PLEKHH2: variants seen among roughly 807,000 people sequenced by gnomAD.
The protein encoded by PLEKHH2 is pleckstrin homology, MyTH4 and FERM domain containing H2.
PLEKHH2 carries 129 observed loss-of-function variants against 187.9 expected under a neutral mutation model. That is an observed-to-expected ratio of 0.69 (90% confidence interval 0.59 to 0.79). PLEKHH2 has a LOEUF of 0.79. Ranked by LOEUF, PLEKHH2 falls within the 30% of genes least tolerant of loss-of-function variation. The probability of loss-of-function intolerance (pLI) is 0.00; values close to 1 mark genes in which losing one functional copy is unlikely to be tolerated. For synonymous variants in PLEKHH2, 686 were observed against 605.6 expected (o/e 1.13, Z -1.95); for missense variants, 2,076 against 1,751.2 (o/e 1.19, Z -3.31).
At chr2:43,747,622 C>T (rs1671835218) in intron 24 of PLEKHH2, among the ~76,000 whole-genome samples, 2 of 152,148 alleles carry the variant, frequency 1.3e-5, no homozygotes, top group South Asian at 4.1e-4. Context: ...TCATTTCTTT[C>T]ATGTATTAGC....
intron 7 of PLEKHH2, 27 bp downstream of exon 7, chr2:43,697,383 T>A (rs779556543): frequency 3.9e-6 from 6 of 1,542,442 alleles, no homozygotes; most frequent in Non-Finnish European, 5.3e-6. Context: ...GGAATTGACT[T>A]TGGCATTTTT....
At position 43,654,712 on chromosome 2, in the gene PLEKHH2, C is replaced by A. The variant is rs1003099970; in HGVS notation, c.123+9916C>A. Among the ~76,000 whole-genome samples the A allele has an allele frequency of 3.3e-4, 31 of 95,356 alleles. 1 individual carries two copies. The highest frequency in any genetic ancestry group is 2.2e-3 in the South Asian group (6 of 2,694). The allele number at this position is 95,356 out of a possible 152,430, so 62.6% of individuals were successfully genotyped here. On this transcript the variant is annotated intron_variant, in intron 2 of 29. Coordinates refer to ENST00000282406, the MANE Select transcript of PLEKHH2 (RefSeq NM_172069.4). Reference sequence around the variant, plus strand: ...GGGCAACATAGTAAGACACCCCCCCCCCCCGCATCTCTACCAAAAAATTAA... The same window carrying A: ...GGGCAACATAGTAAGACACCCCCCCACCCCGCATCTCTACCAAAAAATTAA...
intron 25 of PLEKHH2, among the ~76,000 whole-genome samples, chr2:43,756,816 G>A (rs115095264): frequency 0.047 from 7,181 of 152,130 alleles, 328 homozygotes; most frequent in African/African-American, 0.12. Flanking sequence ...AAGCGTGGTG[G>A]TATATGCCTG....
chr2:43,647,119 T>G (rs1015360775), intron 2 of PLEKHH2, among the ~76,000 whole-genome samples: 1 of 152,182 alleles, frequency 6.6e-6, no homozygotes, highest in East Asian at 1.9e-4. Context: ...AAGCTCTGTA[T>G]AGGTATGGTA....
chr2:43,654,446 C>T (rs1333818509), intron 2 of PLEKHH2, among the ~76,000 whole-genome samples: 2 of 151,952 alleles, frequency 1.3e-5, no homozygotes, highest in East Asian at 2.0e-4. Flanking sequence ...CTGCCTGCCT[C>T]GGCCTCCCAA....
At chr2:43,656,514 T>C (rs1666775330) in intron 2 of PLEKHH2, among the ~76,000 whole-genome samples, 1 of 152,152 alleles carries the variant, frequency 6.6e-6, no homozygotes. Context: ...AGTGGAATGA[T>C]GACCAGATAG....
chr2:43,641,414 C>T (rs188379471), intron 1 of PLEKHH2, among the ~76,000 whole-genome samples: 16 of 152,276 alleles, frequency 1.1e-4, no homozygotes, highest in African/African-American at 3.9e-4. Context: ...CTGTGGCCTG[C>T]AGGCCACAGG....
chr2:43,704,136 A>G (rs1358591999), intron 9 of PLEKHH2, 80 bp downstream of exon 9: 4 of 998,884 alleles, frequency 4.0e-6, no homozygotes, highest in Non-Finnish European at 6.1e-6. Flanking sequence ...AATACATGGT[A>G]CAGTCACAAA....
chr2:43,689,654 G>A (rs1668698545), intron 3 of PLEKHH2, among the ~76,000 whole-genome samples: 1 of 152,132 alleles, frequency 6.6e-6, no homozygotes, highest in Non-Finnish European at 1.5e-5. Context: ...TTGGTAAGTA[G>A]GTTGCTTGTA....
At chr2:43,645,597 T>TAAA (rs1378310875) in intron 2 of PLEKHH2, among the ~76,000 whole-genome samples, 1 of 152,150 alleles carries the variant, frequency 6.6e-6, no homozygotes, top group African/African-American at 2.4e-5. Flanking sequence ...TTCAAAGTTT[T>TAAA]AGCATGAAAG....
At chr2:43,657,163 T>C (rs189114930) in intron 2 of PLEKHH2, among the ~76,000 whole-genome samples, 98 of 152,348 alleles carry the variant, frequency 6.4e-4, no homozygotes, top group Non-Finnish European at 1.2e-3. Flanking sequence ...CTGCATTCAG[T>C]TGGCAAATCA....
At chr2:43,693,705 C>G (rs576977267) in intron 4 of PLEKHH2, among the ~76,000 whole-genome samples, 15,525 of 125,226 alleles carry the variant, frequency 0.12, 1,082 homozygotes, top group African/African-American at 0.22. Context: ...GCCTGGGCGA[C>G]TGAGCGAGAC....
chr2:43,640,784 T>A (rs1354189861), intron 1 of PLEKHH2, among the ~76,000 whole-genome samples: 1 of 151,638 alleles, frequency 6.6e-6, no homozygotes, highest in Non-Finnish European at 1.5e-5. Context: ...TTTTAATTTA[T>A]TATTATTATT....
At chr2:43,750,480 C>CA (rs755499136) in intron 24 of PLEKHH2, among the ~76,000 whole-genome samples, 18,086 of 132,902 alleles carry the variant, frequency 0.14, 1,628 homozygotes, top group African/African-American at 0.27. Context: ...GACTCTGTCT[C>CA]AAAAAAAAAA....
intron 25 of PLEKHH2, among the ~76,000 whole-genome samples, chr2:43,754,511 C>A (rs575898625): frequency 7.2e-5 from 11 of 152,310 alleles, no homozygotes; most frequent in African/African-American, 2.4e-4. Context: ...AGTCACATGG[C>A]CTTGCCTACT....
intron 2 of PLEKHH2, among the ~76,000 whole-genome samples, chr2:43,667,536 G>A: frequency 6.6e-6 from 1 of 152,280 alleles, no homozygotes; most frequent in African/African-American, 2.4e-5. Flanking sequence ...CAACGCAAAA[G>A]CTCATCAACT....
chr2:43,676,436 G>C, intron 2 of PLEKHH2: 1 of 762,988 alleles, frequency 1.3e-6, no homozygotes, highest in Non-Finnish European at 2.0e-6. Context: ...CTCTAGCTGC[G>C]GGAGGTCGCT....
At chr2:43,682,718 T>A (rs1259098499) in intron 3 of PLEKHH2, among the ~76,000 whole-genome samples, 1 of 152,134 alleles carries the variant, frequency 6.6e-6, no homozygotes, top group Admixed American at 6.5e-5. Context: ...TCATTAAGCA[T>A]TTAGTCCCAT....
At chr2:43,673,297 G>C (rs1362725191) in intron 2 of PLEKHH2, among the ~76,000 whole-genome samples, 1 of 152,038 alleles carries the variant, frequency 6.6e-6, no homozygotes, top group Non-Finnish European at 1.5e-5. Flanking sequence ...CTAACTGTAA[G>C]GATGTACCAT....
Sources: gnomAD v4.1 joint callset for allele counts (sites outside exome capture counted in the v4.1 genomes callset) on GRCh38, gnomAD v4.1.1 for gene constraint, MANE v1.5 for transcripts, NCBI Gene and HGNC (gene_info 2026-07-23, HGNC 2026-07-21) for gene names.